TTC7B: variants seen among roughly 807,000 people sequenced by gnomAD.
TTC7B encodes tetratricopeptide repeat domain 7B, also known as tetratricopeptide repeat protein 7B.
Under a neutral mutation model 106.8 loss-of-function variants are expected in TTC7B, and 28 were observed. The observed-to-expected ratio is 0.26, with a 90% CI of 0.19 to 0.36. The LOEUF (loss-of-function observed/expected upper bound fraction) is 0.36. Among genes scored for constraint, TTC7B ranks in the 10% least tolerant of loss-of-function variants. The pLI is 1.00. For synonymous variants in TTC7B, 405 were observed against 430.6 expected (o/e 0.94, Z 0.74); for missense variants, 862 against 1,076.4 (o/e 0.80, Z 2.79).
chr14:90,808,070 A>G lies in TTC7B; in HGVS notation c.121+8105T>C, dbSNP rs894999862. Among the ~76,000 whole-genome samples the G allele has an allele frequency of 6.6e-6, 1 of 152,238 alleles. No homozygotes were observed. The highest frequency in any genetic ancestry group is 2.1e-4 in the South Asian group (1 of 4,836). On this transcript the variant is annotated intron_variant, in intron 1 of 19. Coordinates refer to ENST00000328459, the MANE Select transcript of TTC7B (RefSeq NM_001010854.2). The surrounding 1 kb of genome is among the most constrained non-coding windows in gnomAD (Gnocchi z 4.2). ...TCAGTCTACTCAAGCCCTGAATGAG[A>G]ATTACCCCTGACATCATTCGCTTGT...
intron 19 of TTC7B, among the ~76,000 whole-genome samples, chr14:90,568,578 C>T (rs1371168546): frequency 6.6e-6 from 1 of 152,200 alleles, no homozygotes; most frequent in Admixed American, 6.5e-5. Context: ...TCAGAGCCTG[C>T]CCTGGGCCCA....
chr14:90,652,211 G>A (rs1367664308), intron 13 of TTC7B, among the ~76,000 whole-genome samples: 1 of 152,170 alleles, frequency 6.6e-6, no homozygotes, highest in Non-Finnish European at 1.5e-5. Flanking sequence ...ACCTGCAAGG[G>A]ACATACTGCC....
intron 5 of TTC7B, among the ~76,000 whole-genome samples, chr14:90,722,255 C>T (rs546826495): frequency 2.6e-5 from 4 of 152,262 alleles, no homozygotes; most frequent in East Asian, 3.9e-4. Flanking sequence ...CTGTCCCTCC[C>T]GGCTCTATCC....
At chr14:90,641,866 C>T (rs557053857) in intron 15 of TTC7B, among the ~76,000 whole-genome samples, 11 of 152,060 alleles carry the variant, frequency 7.2e-5, no homozygotes, top group African/African-American at 2.7e-4. Flanking sequence ...TGGATGACAC[C>T]CTAGGCTATG....
At chr14:90,573,888 C>T (rs944061273) in intron 19 of TTC7B, among the ~76,000 whole-genome samples, 1 of 152,264 alleles carries the variant, frequency 6.6e-6, no homozygotes, top group African/African-American at 2.4e-5. Flanking sequence ...TATCAGCTCC[C>T]CTCCACGCAA....
intron 1 of TTC7B, among the ~76,000 whole-genome samples, chr14:90,810,592 A>G (rs2030845812): frequency 6.6e-6 from 1 of 152,212 alleles, no homozygotes; most frequent in African/African-American, 2.4e-5. Context: ...CCTTCCTTCA[A>G]AGGAAACCTT....
At chr14:90,644,660 T>A (rs1183947555) in intron 14 of TTC7B, 1 of 154,130 alleles carries the variant, frequency 6.5e-6, no homozygotes, top group Non-Finnish European at 1.4e-5. Context: ...TTTTTTCAAG[T>A]ATTACTGAAA....
intron 15 of TTC7B, among the ~76,000 whole-genome samples, chr14:90,622,782 C>A (rs1884265541): frequency 6.6e-6 from 1 of 152,084 alleles, no homozygotes; most frequent in African/African-American, 2.4e-5. Context: ...TAAAAACTTA[C>A]AGAAAATTAA....
chr14:90,549,020 TGGCAG>T (rs1374570214), intron 19 of TTC7B, among the ~76,000 whole-genome samples: 1 of 150,768 alleles, frequency 6.6e-6, no homozygotes, highest in Non-Finnish European at 1.5e-5. Flanking sequence ...CCCAGCTACT[TGGCAG>T]GCTGAGGCAG....
At chr14:90,789,722 C>T (rs1333945243) in intron 1 of TTC7B, among the ~76,000 whole-genome samples, 2 of 151,792 alleles carry the variant, frequency 1.3e-5, no homozygotes, top group African/African-American at 4.8e-5. Context: ...CGGTGAAACC[C>T]CGTCTCTACT....
chr14:90,755,800 G>T (rs2140011408), intron 3 of TTC7B, among the ~76,000 whole-genome samples: 1 of 152,344 alleles, frequency 6.6e-6, no homozygotes, highest in Middle Eastern at 3.4e-3. Context: ...CACAGACTCT[G>T]TTCCTCATCA....
intron 6 of TTC7B, among the ~76,000 whole-genome samples, chr14:90,692,317 G>A (rs966760076): frequency 4.7e-4 from 71 of 152,212 alleles, no homozygotes; most frequent in African/African-American, 1.6e-3. Context: ...ATTATTTGGA[G>A]TATATACCTA....
intron 3 of TTC7B, among the ~76,000 whole-genome samples, chr14:90,770,563 G>C (rs963520635): frequency 6.6e-6 from 1 of 151,542 alleles, no homozygotes. Context: ...TGAGGCAGGA[G>C]AATCGCTTGA....
chr14:90,549,486 G>A (rs1889982626), intron 19 of TTC7B, among the ~76,000 whole-genome samples: 1 of 152,256 alleles, frequency 6.6e-6, no homozygotes, highest in African/African-American at 2.4e-5. Context: ...TGAGCTGGCT[G>A]TGGCCAGAGC....
chr14:90,661,116 C>A (rs527990246), intron 9 of TTC7B, among the ~76,000 whole-genome samples: 2 of 152,360 alleles, frequency 1.3e-5, no homozygotes, highest in South Asian at 4.1e-4. Context: ...AAAGAGAAAG[C>A]GCGTGGCCCT....
chr14:90,782,021 T>C (rs1891235187), intron 2 of TTC7B, among the ~76,000 whole-genome samples: 1 of 152,226 alleles, frequency 6.6e-6, no homozygotes, highest in Non-Finnish European at 1.5e-5. Flanking sequence ...AAGCACACCA[T>C]GAAACCGCAC....
intron 17 of TTC7B, among the ~76,000 whole-genome samples, chr14:90,598,715 C>CTTTTCCAAAAATCCT (rs1892313074): frequency 6.6e-6 from 1 of 152,350 alleles, no homozygotes; most frequent in South Asian, 2.1e-4. Flanking sequence ...GCAGGTGAAG[C>CTTTTCCAAAAATCCT]TTTTCCAAAA....
chr14:90,658,440 A>G, intron 9 of TTC7B, 53 bp from the exon 10 acceptor site: 1 of 1,502,568 alleles, frequency 6.7e-7, no homozygotes, highest in Non-Finnish European at 9.3e-7. Flanking sequence ...TGGTGCCACA[A>G]CTGCACAAGT....
intron 5 of TTC7B, among the ~76,000 whole-genome samples, chr14:90,705,459 C>T (rs192213062): frequency 2.9e-4 from 44 of 152,296 alleles, no homozygotes; most frequent in African/African-American, 7.7e-4. Context: ...GATTCCCACC[C>T]GGCCTCTGGG....
Sources: gnomAD v4.1 joint callset for allele counts (sites outside exome capture counted in the v4.1 genomes callset) on GRCh38, gnomAD v4.1.1 for gene constraint, Gnocchi (gnomAD v3.1) non-coding constraint, MANE v1.5 for transcripts, NCBI Gene and HGNC (gene_info 2026-07-23, HGNC 2026-07-21) for gene names.